ZMAT4: variants seen among roughly 807,000 people sequenced by gnomAD.
ZMAT4 encodes the protein zinc finger matrin-type protein 4.
In ZMAT4, 17 loss-of-function variants were observed where a neutral mutation model predicts 28.7. The ratio of observed to expected loss-of-function variants is 0.59; its 90% CI spans 0.41 to 0.89. The LOEUF is 0.89. Among genes scored for constraint, ZMAT4 ranks in the 40% least tolerant of loss-of-function variants. ZMAT4 has a pLI of 0.00. For missense variants in ZMAT4, 240 were observed against 283.8 expected (o/e 0.85, Z 1.11); for synonymous variants, 117 against 109.2 (o/e 1.07, Z -0.44).
At chr8:40,556,580 GA>G (rs746483672) in intron 6 of ZMAT4, among the ~76,000 whole-genome samples, 50 of 152,224 alleles carry the variant, frequency 3.3e-4, no homozygotes, top group Middle Eastern at 3.4e-3. Flanking sequence ...ATCCTGCCTG[GA>G]CTACCTAAAT....
At chr8:40,827,501 G>A (rs1816107682) in intron 1 of ZMAT4, among the ~76,000 whole-genome samples, 1 of 152,184 alleles carries the variant, frequency 6.6e-6, no homozygotes. Context: ...GTATCTGCCT[G>A]AAATAAAAGG....
chr8:40,869,104 TTTCTC>T (rs1281027238), intron 1 of ZMAT4, among the ~76,000 whole-genome samples: 2 of 152,196 alleles, frequency 1.3e-5, no homozygotes, highest in Non-Finnish European at 2.9e-5. Context: ...CTGGGCTTGT[TTTCTC>T]TTCTATTCAC....
intron 5 of ZMAT4, among the ~76,000 whole-genome samples, chr8:40,624,316 G>A (rs755841245): frequency 3.7e-4 from 56 of 152,206 alleles, no homozygotes; most frequent in Non-Finnish European, 6.5e-4. Context: ...GAGGGTCAGC[G>A]AGAGGGCAGT....
At chr8:40,821,741 A>G (rs1028833839) in intron 2 of ZMAT4, among the ~76,000 whole-genome samples, 4 of 152,310 alleles carry the variant, frequency 2.6e-5, no homozygotes, top group Non-Finnish European at 5.9e-5. Context: ...CCAACTATCT[A>G]TCATTTAGAA....
At chr8:40,886,826 A>G (rs1274437516) in intron 1 of ZMAT4, among the ~76,000 whole-genome samples, 2 of 151,980 alleles carry the variant, frequency 1.3e-5, no homozygotes, top group African/African-American at 4.8e-5. Context: ...TAACCTTGCT[A>G]CATGAATGGT....
chr8:40,896,810 G>A (rs924703938), intron 1 of ZMAT4, among the ~76,000 whole-genome samples: 2 of 152,068 alleles, frequency 1.3e-5, no homozygotes, highest in Non-Finnish European at 2.9e-5. Context: ...AAATGCACCT[G>A]TGCACCAAAA....
At chr8:40,665,026 T>C (rs1414035621) in intron 5 of ZMAT4, among the ~76,000 whole-genome samples, 1 of 152,136 alleles carries the variant, frequency 6.6e-6, no homozygotes, top group Non-Finnish European at 1.5e-5. Context: ...ACTTGAAAGC[T>C]CACAGCAGAA....
At chr8:40,834,628 C>T (rs1021928147) in intron 1 of ZMAT4, among the ~76,000 whole-genome samples, 2 of 152,158 alleles carry the variant, frequency 1.3e-5, no homozygotes, top group African/African-American at 4.8e-5. Context: ...GGTTCACATT[C>T]TGGGATCCAG....
At chr8:40,896,519 G>T (rs1818884974) in intron 1 of ZMAT4, among the ~76,000 whole-genome samples, 1 of 152,184 alleles carries the variant, frequency 6.6e-6, no homozygotes, top group African/African-American at 2.4e-5. Flanking sequence ...GAGGAAGAAA[G>T]TTCGAGACCA....
At chr8:40,754,606 T>A (rs965623158) in intron 3 of ZMAT4, among the ~76,000 whole-genome samples, 1 of 152,254 alleles carries the variant, frequency 6.6e-6, no homozygotes, top group Admixed American at 6.5e-5. Context: ...TTATTCCACC[T>A]GGGGGTATAG....
chr8:40,869,534 A>T (rs1223167075), intron 1 of ZMAT4, among the ~76,000 whole-genome samples: 1 of 152,228 alleles, frequency 6.6e-6, no homozygotes, highest in Non-Finnish European at 1.5e-5. Flanking sequence ...AAGAAGAATA[A>T]GAATATCTAC....
intron 2 of ZMAT4, among the ~76,000 whole-genome samples, chr8:40,804,659 G>A (rs1468173673): frequency 6.6e-6 from 1 of 152,000 alleles, no homozygotes; most frequent in East Asian, 1.9e-4. Context: ...GAACAACATG[G>A]AGAAACCAGG....
chr8:40,676,817 C>T (rs780340846), intron 4 of ZMAT4, among the ~76,000 whole-genome samples: 22 of 152,094 alleles, frequency 1.4e-4, no homozygotes, highest in Non-Finnish European at 2.8e-4. Flanking sequence ...GTCATGTTAT[C>T]ACCATGTAGA....
intron 1 of ZMAT4, among the ~76,000 whole-genome samples, chr8:40,873,258 T>A (rs1817926458): frequency 6.6e-6 from 1 of 152,232 alleles, no homozygotes; most frequent in Non-Finnish European, 1.5e-5. Flanking sequence ...TGTTGCTTCC[T>A]ATTTGTTTTT....
At chr8:40,561,918 A>G (rs1170166777) in intron 6 of ZMAT4, among the ~76,000 whole-genome samples, 1 of 152,080 alleles carries the variant, frequency 6.6e-6, no homozygotes, top group Non-Finnish European at 1.5e-5. Flanking sequence ...TTATAAATCC[A>G]TGTGTGAGTG....
At chr8:40,615,418 C>T (rs890203172) in intron 5 of ZMAT4, among the ~76,000 whole-genome samples, 3 of 152,146 alleles carry the variant, frequency 2.0e-5, no homozygotes, top group Admixed American at 2.0e-4. Context: ...AGTTGCTCTT[C>T]TCGAGAAGTA....
At chr8:40,872,222 C>T (rs542130382) in intron 1 of ZMAT4, among the ~76,000 whole-genome samples, 1 of 152,332 alleles carries the variant, frequency 6.6e-6, no homozygotes, top group South Asian at 2.1e-4. Flanking sequence ...CACACACGCA[C>T]ACACTGAGCA....
At chr8:40,789,781 C>A (rs992289506) in intron 2 of ZMAT4, among the ~76,000 whole-genome samples, 25 of 152,214 alleles carry the variant, frequency 1.6e-4, no homozygotes, top group Non-Finnish European at 7.4e-5. Context: ...AACCTACTAT[C>A]TGCAGTAATG....
intron 4 of ZMAT4, among the ~76,000 whole-genome samples, chr8:40,686,050 T>C (rs1809389853): frequency 6.6e-6 from 1 of 152,198 alleles, no homozygotes; most frequent in African/African-American, 2.4e-5. Context: ...AATATTCATA[T>C]AGTCATGTTT....
Sources: gnomAD v4.1 joint callset for allele counts (sites outside exome capture counted in the v4.1 genomes callset) on GRCh38, gnomAD v4.1.1 for gene constraint, MANE v1.5 for transcripts, NCBI Gene and HGNC (gene_info 2026-07-23, HGNC 2026-07-21) for gene names.